Variants in ULK2 observed in about 807,000 individuals in gnomAD.
ULK2 encodes unc-51 like autophagy activating kinase 2, also known as serine/threonine-protein kinase ULK2.
In ULK2, 76 loss-of-function variants were observed where a neutral mutation model predicts 127.5. That is an observed-to-expected ratio of 0.60 (90% confidence interval 0.50 to 0.72). ULK2 has a LOEUF of 0.72. ULK2 is among the 30% of genes least tolerant of loss of function. The probability of loss-of-function intolerance (pLI) is 0.00; values close to 1 mark genes in which losing one functional copy is unlikely to be tolerated. For missense variants in ULK2, 1,144 were observed against 1,295.9 expected (o/e 0.88, Z 1.80); for synonymous variants, 452 against 461.9 (o/e 0.98, Z 0.28).
chr17:19,818,965 TA>T (rs1391725738), intron 12 of ULK2, among the ~76,000 whole-genome samples: 8 of 152,060 alleles, frequency 5.3e-5, no homozygotes, highest in Non-Finnish European at 1.2e-4. Flanking sequence ...CATGCCTGGC[TA>T]ATTTTTGTAG....
chr17:19,849,045 G>A lies in ULK2; in HGVS notation c.295+324C>T, dbSNP rs550705285. Among the ~76,000 whole-genome samples the A allele has an allele frequency of 2.0e-5, 3 of 152,088 alleles. No homozygotes were observed. The East Asian group carries it at 5.8e-4, about 29-fold the overall frequency. On this transcript the variant is annotated intron_variant, in intron 5 of 26. Coordinates refer to ENST00000395544, the MANE Select transcript of ULK2 (RefSeq NM_014683.4). ...TTTTAATTTTGAAAGAAACGAAACGGACTAAAACTCAGTCAAGCCTTTTGA... is the reference window on the plus strand; with the variant it reads ...TTTTAATTTTGAAAGAAACGAAACGAACTAAAACTCAGTCAAGCCTTTTGA...
intron 13 of ULK2, among the ~76,000 whole-genome samples, chr17:19,811,399 G>A (rs1228064731): frequency 6.6e-6 from 1 of 151,640 alleles, no homozygotes; most frequent in Non-Finnish European, 1.5e-5. Context: ...CAACCTGATA[G>A]CTTAATCACG....
In ULK2 at chr17:19,773,340, T is replaced by A. The variant is rs1286126078; in HGVS notation, c.*3009A>T. 1.3e-5 allele frequency: 2 copies of A among 152,196 alleles called. No homozygotes were observed. Among genetic ancestry groups the A allele is most frequent in the Non-Finnish European group, 2.9e-5 (2 of 68,064 alleles). 9.4% of individuals were successfully genotyped at this position (152,196 alleles called of 1,614,324 possible). A position where few individuals can be genotyped will look rare whatever the true frequency, so the allele number is the denominator to read the frequency against. On this transcript the variant is annotated 3_prime_UTR_variant, in exon 27 of 27. Coordinates refer to ENST00000395544, the MANE Select transcript of ULK2 (RefSeq NM_014683.4). ...TCTGAGTCCAGGTCCTCATGTCCACTGTGTCTAACTCAACTTATTACTGTG... is the reference window on the plus strand; with the variant it reads ...TCTGAGTCCAGGTCCTCATGTCCACAGTGTCTAACTCAACTTATTACTGTG...
intron 10 of ULK2, among the ~76,000 whole-genome samples, chr17:19,827,911 A>C (rs1472985831): frequency 3.6e-5 from 5 of 138,816 alleles, no homozygotes; most frequent in Non-Finnish European, 8.1e-5. Flanking sequence ...ACTCTGTCTC[A>C]AAAAAAAAAA....
intron 3 of ULK2, among the ~76,000 whole-genome samples, chr17:19,860,597 T>C (rs2042221882): frequency 6.6e-6 from 1 of 150,642 alleles, no homozygotes; most frequent in Non-Finnish European, 1.5e-5. Flanking sequence ...CGATCTCGGC[T>C]CACTGCAATC....
At chr17:19,805,477 G>C (rs1490951829) in intron 14 of ULK2, among the ~76,000 whole-genome samples, 1 of 152,136 alleles carries the variant, frequency 6.6e-6, no homozygotes, top group African/African-American at 2.4e-5. Flanking sequence ...GGCCCTAAGA[G>C]AGATGACTTA....
At chr17:19,819,162 T>A (rs16960456) in intron 12 of ULK2, among the ~76,000 whole-genome samples, 34,350 of 152,148 alleles carry the variant, frequency 0.23, 4,721 homozygotes, top group South Asian at 0.37. Context: ...TAATTCAACA[T>A]AACCCACTCT....
intron 13 of ULK2, among the ~76,000 whole-genome samples, chr17:19,815,772 T>G (rs1342031250): frequency 6.6e-6 from 1 of 152,140 alleles, no homozygotes; most frequent in Admixed American, 6.5e-5. Context: ...AGTTAATGGG[T>G]GCAGCACACC....
chr17:19,779,447 G>A lies in ULK2; in HGVS notation c.2916+1025C>T, dbSNP rs188456799. Among the ~76,000 whole-genome samples the A allele has an allele frequency of 3.3e-4, 48 of 146,238 alleles. No homozygotes were observed. The Admixed American group carries it at 3.3e-3, about 10-fold the overall frequency. The stretch of plus-strand genomic sequence containing the variant: ...CATGGGAGGCTAACGCAGCAGAATC[G>A]CTTGAACCTGGGAAGCAGAGGTTGC... On this transcript the variant is annotated intron_variant, in intron 25 of 26. Transcript: ENST00000395544.
At chr17:19,779,480 C>G (rs775147347) in intron 25 of ULK2, among the ~76,000 whole-genome samples, 1 of 131,206 alleles carries the variant, frequency 7.6e-6, no homozygotes. Flanking sequence ...TGCAGTGAGC[C>G]AAGATCATGC....
chr17:19,776,100 G>A lies in ULK2; in HGVS notation c.*249C>T, dbSNP rs1869846252. 2.2e-6 allele frequency: 1 copy of A among 453,208 alleles called. No homozygotes were observed. Among genetic ancestry groups the A allele is most frequent in the Non-Finnish European group, 4.0e-6 (1 of 252,376 alleles). 28.1% of individuals were successfully genotyped at this position (453,208 alleles called of 1,614,324 possible). On this transcript the variant is annotated 3_prime_UTR_variant, in exon 27 of 27. Transcript: ENST00000395544. ...TACATTTATTCACCAAGTCCAAACT[G>A]GGAGCCAAACACTCTTGCTCCTGCT...
At chr17:19,792,245 T>C (rs866364991) in intron 20 of ULK2, among the ~76,000 whole-genome samples, 4 of 151,930 alleles carry the variant, frequency 2.6e-5, no homozygotes, top group African/African-American at 7.3e-5. Context: ...ATAAATGAAA[T>C]TGAAACTAAG....
intron 20 of ULK2, among the ~76,000 whole-genome samples, chr17:19,791,288 A>T (rs1238718303): frequency 2.6e-5 from 4 of 152,140 alleles, no homozygotes; most frequent in African/African-American, 9.7e-5. Flanking sequence ...AGCGGCTCAC[A>T]CCTGTAGCTG....
At chr17:19,828,944 GTGCTGCACATCTGTGGTCCCAGC>G (rs2041361543) in intron 10 of ULK2, among the ~76,000 whole-genome samples, 1 of 152,254 alleles carries the variant, frequency 6.6e-6, no homozygotes, top group South Asian at 2.1e-4. Flanking sequence ...GCTAGGCATG[GTGCTGCACATCTGTGGTCCCAGC>G]TGAAGTGAGA....
At chr17:19,834,746 C>T (rs183150782) in intron 10 of ULK2, among the ~76,000 whole-genome samples, 1 of 151,818 alleles carries the variant, frequency 6.6e-6, no homozygotes, top group Admixed American at 6.6e-5. Flanking sequence ...AACCTCTCTA[C>T]AAAAAATTTA....
Position 19,801,857 on chromosome 17 carries a change from G to A in ULK2, c.1361C>T (p.Pro454Leu). ...TGTCTGTGCTGTGTCTGCTGGTACTGGGGAGCATGATCCCGGCCGGAGGAA... is the reference window on the plus strand; with the variant it reads ...TGTCTGTGCTGTGTCTGCTGGTACTAGGGAGCATGATCCCGGCCGGAGGAA... The part of the protein sequence containing the change: ...MGFLRPGSCS[P>L]VPADTAQTVG... The change falls in exon 16 of 27, where the codon CCA becomes CTA. Residue 454 changes from proline to leucine, a missense_variant. Pro to Leu is a moderately conservative substitution (Grantham distance 98). Around this residue, in one of 2 missense-constraint regions of ULK2, gnomAD observed 913 missense variants for 970.5 expected, o/e 0.94. Transcript: ENST00000395544. The A allele has an allele frequency of 2.5e-6, 4 of 1,614,188 alleles. No homozygotes were observed. In the South Asian group the frequency reaches 3.3e-5, roughly 13 times the overall value.
chr17:19,814,222 A>C (rs1373199623), intron 13 of ULK2, among the ~76,000 whole-genome samples: 1 of 151,724 alleles, frequency 6.6e-6, no homozygotes, highest in Non-Finnish European at 1.5e-5. Context: ...AATGAGTTAC[A>C]GGTAAAATTA....
chr17:19,822,988 ATTT>A (rs35354990), intron 12 of ULK2, among the ~76,000 whole-genome samples: 4 of 127,584 alleles, frequency 3.1e-5, no homozygotes, highest in Non-Finnish European at 3.4e-5. Flanking sequence ...ACCCAGCCGG[ATTT>A]TTTTTTTTTT....
chr17:19,844,322 G>T (rs2041831092), intron 7 of ULK2, among the ~76,000 whole-genome samples: 1 of 152,058 alleles, frequency 6.6e-6, no homozygotes, highest in South Asian at 2.1e-4. Flanking sequence ...GTGGAAATGG[G>T]ATCTTGCTGT....
Sources: gnomAD v4.1 joint callset for allele counts (sites outside exome capture counted in the v4.1 genomes callset) on GRCh38, gnomAD v4.1.1 for gene constraint, gnomAD v4.1.1 regional missense constraint, MANE v1.5 for transcripts, NCBI Gene and HGNC (gene_info 2026-07-23, HGNC 2026-07-21) for gene names.